The following FRMD5 variants were observed in gnomAD, a reference collection of about 807,000 sequenced individuals.
The protein encoded by FRMD5 is FERM domain-containing protein 5.
FRMD5 carries 20 observed loss-of-function variants against 69.0 expected under a neutral mutation model. The ratio of observed to expected loss-of-function variants is 0.29; its 90% CI spans 0.20 to 0.42. The LOEUF is 0.42. FRMD5 is among the 10% of genes least tolerant of loss of function. The pLI is 1.00. For synonymous variants in FRMD5, 271 were observed against 260.1 expected (o/e 1.04, Z -0.40); for missense variants, 595 against 708.6 (o/e 0.84, Z 1.82).
At chr15:43,949,107 T>G (rs2089989283) in intron 1 of FRMD5, among the ~76,000 whole-genome samples, 1 of 152,240 alleles carries the variant, frequency 6.6e-6, no homozygotes. Context: ...AGGCAAAGCC[T>G]GCAGGGAAAG....
intron 1 of FRMD5, among the ~76,000 whole-genome samples, chr15:44,185,306 T>A (rs1462100364): frequency 6.6e-6 from 1 of 152,238 alleles, no homozygotes; most frequent in African/African-American, 2.4e-5. Flanking sequence ...AACAGCCAAA[T>A]TTCTTTTGAT....
intron 1 of FRMD5, among the ~76,000 whole-genome samples, chr15:44,111,686 C>G (rs751510606): frequency 7.9e-5 from 12 of 152,120 alleles, no homozygotes; most frequent in Non-Finnish European, 1.5e-4. Context: ...CTAATCTCTG[C>G]AAAAGAAATA....
chr15:44,195,818 A>G (rs535922622), upstream of FRMD5, among the ~76,000 whole-genome samples: 48 of 152,314 alleles, frequency 3.2e-4, no homozygotes, highest in Non-Finnish European at 5.3e-4. Context: ...CTACTTAAAT[A>G]AAAGCTAAAG....
intron 1 of FRMD5, among the ~76,000 whole-genome samples, chr15:44,109,218 T>C (rs1363199855): frequency 2.0e-5 from 3 of 152,084 alleles, no homozygotes; most frequent in African/African-American, 7.2e-5. Flanking sequence ...TGCCACTGTT[T>C]GCTCTTTGCA....
At chr15:44,089,984 A>T (rs2076448986) in intron 1 of FRMD5, among the ~76,000 whole-genome samples, 1 of 152,124 alleles carries the variant, frequency 6.6e-6, no homozygotes, top group African/African-American at 2.4e-5. Flanking sequence ...CCTCCATCAC[A>T]GTATCTCTCA....
At chr15:44,122,131 C>T (rs1044965080) in intron 1 of FRMD5, among the ~76,000 whole-genome samples, 11 of 151,136 alleles carry the variant, frequency 7.3e-5, no homozygotes, top group Admixed American at 5.3e-4. Flanking sequence ...ATTAAAAAAA[C>T]GTAACAAACC....
intron 1 of FRMD5, among the ~76,000 whole-genome samples, chr15:43,939,526 T>C (rs1008063054): frequency 6.6e-6 from 1 of 152,156 alleles, no homozygotes; most frequent in Non-Finnish European, 1.5e-5. Context: ...AGTTGTTCTC[T>C]GGGGTGCTCT....
chr15:44,099,095 C>A (rs2076599197), intron 1 of FRMD5, among the ~76,000 whole-genome samples: 1 of 152,180 alleles, frequency 6.6e-6, no homozygotes, highest in African/African-American at 2.4e-5. Flanking sequence ...AAGCCAATCA[C>A]CTTCACATAT....
intron 1 of FRMD5, among the ~76,000 whole-genome samples, chr15:44,163,581 T>C (rs193133580): frequency 6.6e-6 from 1 of 152,368 alleles, no homozygotes; most frequent in East Asian, 1.9e-4. Context: ...TTATTCATCA[T>C]CCTCATATGA....
At chr15:43,962,224 A>G (rs1305161446) in intron 1 of FRMD5, among the ~76,000 whole-genome samples, 1 of 152,236 alleles carries the variant, frequency 6.6e-6, no homozygotes, top group Non-Finnish European at 1.5e-5. Flanking sequence ...ATACAAAATC[A>G]ATGTGCAAAA....
At chr15:44,198,499 A>C (rs887149775), upstream of FRMD5, among the ~76,000 whole-genome samples, 1 of 152,170 alleles carries the variant, frequency 6.6e-6, no homozygotes, top group Admixed American at 6.5e-5. Flanking sequence ...GAATGAAAAA[A>C]TAATGGAAGA....
intron 1 of FRMD5, chr15:43,989,353 G>A: frequency 1.3e-6 from 1 of 785,560 alleles, no homozygotes; most frequent in Non-Finnish European, 2.3e-6. Context: ...GGAGTTGAAG[G>A]TAGTTTCATG....
At chr15:43,954,114 C>G (rs533567013) in intron 1 of FRMD5, among the ~76,000 whole-genome samples, 4 of 152,156 alleles carry the variant, frequency 2.6e-5, no homozygotes, top group Non-Finnish European at 5.9e-5. Flanking sequence ...CAAGCCCTGT[C>G]GATGCCCAGA....
At position 43,888,266 on chromosome 15, in the gene FRMD5, C is replaced by G. The variant is rs762475213; in HGVS notation, c.793G>C (p.Glu265Gln). The G allele has an allele frequency of 1.4e-5, 22 of 1,610,350 alleles. No homozygotes were observed. In the South Asian group the frequency reaches 2.4e-4, roughly 18 times the overall value. ...TFYLYVSQKE[E>Q]KKIILTYFAP... Reference sequence around the variant, plus strand: ...AAATATGTAAGAATAATTTTCTTTTCCTGCAAAAAATTCCACATTGATATG... The same window carrying G: ...AAATATGTAAGAATAATTTTCTTTTGCTGCAAAAAATTCCACATTGATATG... Residue 265 changes from glutamate to glutamine, a missense_variant and splice_region_variant, in exon 10 of 14, where the codon GAA (glutamate) becomes CAA (glutamine). By Grantham distance (29) the Glu-to-Gln change is conservative (BLOSUM62 2). Transcript: ENST00000417257.
intron 1 of FRMD5, among the ~76,000 whole-genome samples, chr15:44,179,774 T>C (rs8035364): frequency 0.015 from 2,250 of 152,232 alleles, 58 homozygotes; most frequent in African/African-American, 0.052. Flanking sequence ...GAGGGTTACA[T>C]TGCAATTTTA....
chr15:44,065,611 A>T (rs759934016), intron 1 of FRMD5, among the ~76,000 whole-genome samples: 40 of 152,270 alleles, frequency 2.6e-4, no homozygotes, highest in Admixed American at 1.4e-3. Context: ...GACTGGGTTT[A>T]TCCTTGAGAA....
intron 1 of FRMD5, among the ~76,000 whole-genome samples, chr15:43,958,821 T>C (rs2090154176): frequency 6.6e-6 from 1 of 152,220 alleles, no homozygotes; most frequent in Non-Finnish European, 1.5e-5. Flanking sequence ...CTCCTATTGC[T>C]TGAGCTCCTG....
intron 1 of FRMD5, among the ~76,000 whole-genome samples, chr15:44,125,712 T>A (rs1321211646): frequency 6.6e-6 from 1 of 152,206 alleles, no homozygotes; most frequent in Non-Finnish European, 1.5e-5. Context: ...AAAAATCAGT[T>A]TTTCTTAACA....
At chr15:43,939,454 G>C (rs997142896) in intron 1 of FRMD5, among the ~76,000 whole-genome samples, 1 of 152,184 alleles carries the variant, frequency 6.6e-6, no homozygotes, top group African/African-American at 2.4e-5. Context: ...TCAGTAAAAA[G>C]ATGCACCATT....
Sources: allele counts gnomAD v4.1 joint callset (sites outside exome capture counted in the v4.1 genomes callset), GRCh38; gene constraint gnomAD v4.1.1; transcripts MANE v1.5; gene names NCBI Gene and HGNC (gene_info 2026-07-23, HGNC 2026-07-21).